The following DMD variants were observed in gnomAD, a reference collection of about 807,000 sequenced individuals.
DMD encodes the protein mutant dystrophin.
A neutral mutation model predicts 330.1 loss-of-function variants in DMD; 63 were observed. The observed-to-expected ratio is 0.19, with a 90% CI of 0.16 to 0.24. DMD has a LOEUF of 0.24. Among genes scored for constraint, DMD ranks in the 10% least tolerant of loss-of-function variants. The probability of loss-of-function intolerance (pLI) is 1.00; values close to 1 mark genes in which losing one functional copy is unlikely to be tolerated. For missense variants in DMD, 3,344 were observed against 2,684.1 expected, an observed-to-expected ratio of 1.25 and a Z score of -5.43; for synonymous variants, 1,223 against 959.8, an observed-to-expected ratio of 1.27 and a Z score of -5.07.
chrX:32,602,245 A>G (rs867396583), intron 12 of DMD, among the ~76,000 whole-genome samples: 26 of 112,175 alleles, frequency 2.3e-4, no homozygotes, highest in Admixed American at 5.7e-4. Context: ...GAGTGAGGAC[A>G]GTCCCTAATC....
At chrX:32,992,863 G>A (rs1377323287) in intron 2 of DMD, among the ~76,000 whole-genome samples, 1 of 92,578 alleles carries the variant, frequency 1.1e-5, no homozygotes, top group Non-Finnish European at 2.0e-5. Context: ...CCAAGACCAC[G>A]CCATTGCACT....
intron 2 of DMD, among the ~76,000 whole-genome samples, chrX:32,855,293 T>A (rs2081458244): frequency 8.9e-6 from 1 of 112,037 alleles, no homozygotes; most frequent in Non-Finnish European, 1.9e-5. Flanking sequence ...TACTGTTGTT[T>A]AACATATTAC....
At chrX:32,212,892 C>T (rs181497040) in intron 44 of DMD, among the ~76,000 whole-genome samples, 2 of 110,607 alleles carry the variant, frequency 1.8e-5, no homozygotes, top group South Asian at 3.8e-4. Context: ...CTTTTACTTG[C>T]GACAGAGGAA....
At chrX:31,876,668 T>C (rs1272104668) in intron 47 of DMD, among the ~76,000 whole-genome samples, 2 of 100,874 alleles carry the variant, frequency 2.0e-5, no homozygotes, top group African/African-American at 7.3e-5. Flanking sequence ...CTGGACAACA[T>C]AGCAACACTC....
intron 18 of DMD, among the ~76,000 whole-genome samples, chrX:32,511,879 A>G (rs1327292766): frequency 3.6e-5 from 4 of 111,816 alleles, no homozygotes; most frequent in East Asian, 5.6e-4. Flanking sequence ...TGCTTAATAT[A>G]TGATCACATG....
chrX:31,787,751 G>T (rs1373331807), intron 50 of DMD, among the ~76,000 whole-genome samples: 1 of 111,973 alleles, frequency 8.9e-6, no homozygotes. Context: ...TGAATTGCAG[G>T]TATGGAAAAC....
chrX:31,845,536 A>C (rs1477850992), intron 48 of DMD, among the ~76,000 whole-genome samples: 1 of 109,462 alleles, frequency 9.1e-6, no homozygotes, highest in Non-Finnish European at 1.9e-5. Context: ...TAAGATGATA[A>C]CTCTAGCGGC....
rs924400259 is a variant in DMD, at chrX:32,618,312, C to G, written c.1332-3859G>C. Reference sequence around the variant, plus strand: ...TAAAGAAAATGTGGTAAACACATACCATGGAATACTATGCGGCCATGAAAA... The same window carrying G: ...TAAAGAAAATGTGGTAAACACATACGATGGAATACTATGCGGCCATGAAAA... On this transcript the variant is annotated intron_variant, in intron 11 of 78. Transcript: ENST00000357033. 4.5e-5 allele frequency among the ~76,000 whole-genome samples: 5 copies of G among 111,942 alleles called. No individual in the cohort carries two copies. The East Asian group carries it at 1.4e-3, about 31-fold the overall frequency.
At chrX:32,822,400 A>G (rs759681772) in intron 5 of DMD, among the ~76,000 whole-genome samples, 18 of 110,901 alleles carry the variant, frequency 1.6e-4, no homozygotes, top group African/African-American at 5.9e-4. Context: ...ATTTATACAT[A>G]TGTGTATAAC....
chrX:31,392,722 T>C (rs927895292), intron 60 of DMD, among the ~76,000 whole-genome samples: 3 of 112,431 alleles, frequency 2.7e-5, no homozygotes, highest in Non-Finnish European at 5.6e-5. Flanking sequence ...TCTAATCCTC[T>C]ATTAGGCTCC....
At chrX:31,583,998 A>G (rs2076464686) in intron 55 of DMD, among the ~76,000 whole-genome samples, 1 of 99,806 alleles carries the variant, frequency 1.0e-5, no homozygotes, top group Non-Finnish European at 2.0e-5. Flanking sequence ...TGTGAGTGAG[A>G]ACATGTGGTG....
chrX:32,558,130 T>C (rs187974434), intron 16 of DMD, among the ~76,000 whole-genome samples: 71 of 111,473 alleles, frequency 6.4e-4, no homozygotes, highest in African/African-American at 2.2e-3. Context: ...AAACTGTCTG[T>C]CCAATTTAAT....
chrX:32,399,802 G>A (rs1199817729), intron 30 of DMD, among the ~76,000 whole-genome samples: 1 of 111,817 alleles, frequency 8.9e-6, no homozygotes, highest in Non-Finnish European at 1.9e-5. Context: ...TTGCGGCACT[G>A]TTCACAAAAG....
intron 7 of DMD, among the ~76,000 whole-genome samples, chrX:32,762,616 C>T (rs777177438): frequency 1.3e-4 from 14 of 111,010 alleles, no homozygotes; most frequent in South Asian, 3.8e-4. Context: ...TGAGACCTTT[C>T]GGCTCAGACT....
intron 7 of DMD, among the ~76,000 whole-genome samples, chrX:32,727,238 C>G (rs2066989921): frequency 9.0e-6 from 1 of 111,199 alleles, no homozygotes; most frequent in African/African-American, 3.3e-5. Context: ...GTAATCTGCC[C>G]AGATTGGCTT....
intron 44 of DMD, among the ~76,000 whole-genome samples, chrX:32,216,446 T>C (rs1254540598): frequency 8.9e-6 from 1 of 112,159 alleles, no homozygotes; most frequent in Non-Finnish European, 1.9e-5. Flanking sequence ...AGAAGGCATT[T>C]TGTCAATAGA....
chrX:32,561,258 G>A (rs1187908066), intron 16 of DMD, among the ~76,000 whole-genome samples: 6 of 111,208 alleles, frequency 5.4e-5, no homozygotes, highest in African/African-American at 1.6e-4. Context: ...TAACAACCAC[G>A]ATAAAACGTA....
chrX:33,329,529 A>AGG (rs2054139242), intron 1 of DMD, among the ~76,000 whole-genome samples: 1 of 112,255 alleles, frequency 8.9e-6, no homozygotes, highest in Admixed American at 9.5e-5. Flanking sequence ...AGTAGATGGA[A>AGG]TAAGTAAATT....
At chrX:31,124,385 T>C (rs1236408765) in intron 78 of DMD, among the ~76,000 whole-genome samples, 1 of 111,640 alleles carries the variant, frequency 9.0e-6, no homozygotes, top group East Asian at 2.8e-4. Context: ...CTTTAATCCG[T>C]TGGAGGGGTA....
Sources: gnomAD v4.1 joint callset for allele counts (sites outside exome capture counted in the v4.1 genomes callset) on GRCh38, gnomAD v4.1.1 for gene constraint, MANE v1.5 for transcripts, NCBI Gene and HGNC (gene_info 2026-07-23, HGNC 2026-07-21) for gene names.